ZNF695: variants seen among roughly 807,000 people sequenced by gnomAD.
ZNF695 encodes the protein zinc finger protein 695.
ZNF695 carries 11 observed loss-of-function variants against 11.2 expected under a neutral mutation model. The ratio of observed to expected loss-of-function variants is 0.98; its 90% CI spans 0.62 to 1.62. ZNF695 has a LOEUF of 1.62. Ranked by LOEUF, ZNF695 falls within the 40% of genes most tolerant of loss-of-function variation. The pLI, the probability that ZNF695 is intolerant of heterozygous loss-of-function variation, is 0.00. For missense variants in ZNF695, 559 were observed against 590.5 expected, an observed-to-expected ratio of 0.95 and a Z score of 0.55; for synonymous variants, 190 against 201.4, an observed-to-expected ratio of 0.94 and a Z score of 0.48.
intron 3 of ZNF695, among the ~76,000 whole-genome samples, chr1:246,992,182 T>TA (rs1416020290): frequency 2.6e-5 from 4 of 152,038 alleles, no homozygotes; most frequent in African/African-American, 9.6e-5. Context: ...AAAGAAAATG[T>TA]ACTACTTATA....
At chr1:246,964,828 G>A (rs894465973) in intron 5 of ZNF695, among the ~76,000 whole-genome samples, 3 of 152,042 alleles carry the variant, frequency 2.0e-5, no homozygotes, top group Non-Finnish European at 2.9e-5. Flanking sequence ...CTGAGATCGC[G>A]GCACTGCACT....
chr1:246,974,592 T>C (rs1572516633), intron 4 of ZNF695, among the ~76,000 whole-genome samples: 1 of 152,072 alleles, frequency 6.6e-6, no homozygotes, highest in Non-Finnish European at 1.5e-5. Flanking sequence ...ATAAAAAACA[T>C]AGATATGATA....
rs1052767335 is a variant in ZNF695, at chr1:246,985,719, C to A, written c.*1248G>T. 1 of 985,306 alleles carries A rather than the reference C, an allele frequency of 1.0e-6. No homozygotes were observed. The highest frequency in any genetic ancestry group is 1.2e-6 in the Non-Finnish European group (1 of 829,834). The allele number at this position is 985,306 out of a possible 1,614,324, so 61.0% of individuals were successfully genotyped here. A position where few individuals can be genotyped will look rare whatever the true frequency, so the allele number is the denominator to read the frequency against. On this transcript the variant is annotated 3_prime_UTR_variant, in exon 4 of 4. Transcript: ENST00000339986. ...GGAAAAACAACTGACTTGTAAAACT[C>A]AAATGTTTCTTTCTTAAATATAATG...
At chr1:246,963,704 A>C (rs542567196) in intron 5 of ZNF695, among the ~76,000 whole-genome samples, 27 of 152,312 alleles carry the variant, frequency 1.8e-4, no homozygotes, top group Non-Finnish European at 3.2e-4. Context: ...GTCAGAGAAT[A>C]CTTCCTCTCC....
intron 5 of ZNF695, among the ~76,000 whole-genome samples, chr1:246,959,506 A>C (rs931594011): frequency 6.6e-6 from 1 of 150,796 alleles, no homozygotes; most frequent in Non-Finnish European, 1.5e-5. Context: ...GGCTCACTGC[A>C]ACCTCCACCT....
In ZNF695 at chr1:246,987,812, C is replaced by G. The variant is rs1668899594; in HGVS notation, c.703G>C (p.Val235Leu). Residue 235 changes from valine (V) to leucine (L), a missense_variant, in exon 4 of 4, where the codon GTT becomes CTT. Physicochemically the swap from Val to Leu is conservative, Grantham distance 32. Transcript: ENST00000339986. ...SCFTDCKRIHVGEKHCKCEEC... is the reference protein window; with the variant it reads ...SCFTDCKRIHLGEKHCKCEEC... ...TCACATTTGCAATGTTTCTCTCCAA[C>G]ATGAATTCTCTTACAGTCAGTAAAG... 6.2e-7 allele frequency: 1 copy of G among 1,610,354 alleles called. No individual in the cohort carries two copies. Among genetic ancestry groups the G allele is most frequent in the Non-Finnish European group, 8.5e-7 (1 of 1,178,956 alleles).
chr1:246,959,806 G>T (rs1668119069), intron 5 of ZNF695, among the ~76,000 whole-genome samples: 1 of 152,112 alleles, frequency 6.6e-6, no homozygotes, highest in Non-Finnish European at 1.5e-5. Context: ...CACCAATGAT[G>T]CAGGAAATTA....
chr1:246,986,739 T>G lies in ZNF695; in HGVS notation c.*228A>C. On this transcript the variant is annotated 3_prime_UTR_variant, in exon 4 of 4. Coordinates refer to ENST00000339986, the MANE Select transcript of ZNF695 (RefSeq NM_020394.5). The stretch of plus-strand genomic sequence containing the variant: ...CTGGAGGGTTTCCCTCCAGTATAAA[T>G]TCTTCTGTGTACAGTAAGAGCTGTG... 1 of 1,213,780 alleles carries G rather than the reference T, an allele frequency of 8.2e-7. No homozygotes were observed. Among genetic ancestry groups the G allele is most frequent in the Non-Finnish European group, 1.0e-6 (1 of 974,434 alleles). 75.2% of individuals were successfully genotyped at this position (1,213,780 alleles called of 1,614,324 possible). A position where few individuals can be genotyped will look rare whatever the true frequency, so the allele number is the denominator to read the frequency against.
At chr1:246,958,573 C>G (rs1233869890) in intron 5 of ZNF695, among the ~76,000 whole-genome samples, 1 of 152,126 alleles carries the variant, frequency 6.6e-6, no homozygotes, top group Admixed American at 6.6e-5. Flanking sequence ...CAGCTAGTCC[C>G]CAGCCATGAG....
chr1:246,978,580 G>A (rs1054470089), intron 4 of ZNF695, among the ~76,000 whole-genome samples: 6 of 152,264 alleles, frequency 3.9e-5, no homozygotes, highest in African/African-American at 9.6e-5. Context: ...CTGTGGAGTC[G>A]GTCAGACCTA....
chr1:246,975,431 G>A (rs920761843), intron 4 of ZNF695, among the ~76,000 whole-genome samples: 1 of 152,106 alleles, frequency 6.6e-6, no homozygotes, highest in African/African-American at 2.4e-5. Context: ...CCATTTTTCT[G>A]CCTTCTAGAA....
At chr1:246,993,793 A>C (rs1423683845) in intron 3 of ZNF695, among the ~76,000 whole-genome samples, 1 of 152,214 alleles carries the variant, frequency 6.6e-6, no homozygotes, top group Admixed American at 6.5e-5. Flanking sequence ...AAAAAGATAA[A>C]AAGTATAAAA....
In ZNF695 at chr1:246,974,620, C is replaced by A. The variant is rs137980467; in HGVS notation, c.391-6828G>T. 7.8e-4 allele frequency among the ~76,000 whole-genome samples: 118 copies of A among 152,068 alleles called. 1 individual carries two copies. In the East Asian group the frequency reaches 0.018, roughly 23 times the overall value. On this transcript the variant is annotated intron_variant, in intron 4 of 5. Coordinates refer to the ZNF695 transcript ENST00000487338. ...ATATGATACTATAAAAGAGAGTGGG[C>A]ATAATGGAAGAGTAATACTCAGGTG...
intron 1 of ZNF695, 32 bp downstream of exon 1, chr1:247,007,874 C>T (rs771375479): frequency 6.5e-7 from 1 of 1,540,576 alleles, no homozygotes; most frequent in Admixed American, 1.9e-5. Context: ...ACCCCCTCTC[C>T]CTTCTCGGGA....
At chr1:246,996,081 C>T (rs568437496) in intron 3 of ZNF695, 3 of 448,584 alleles carry the variant, frequency 6.7e-6, no homozygotes, top group South Asian at 3.1e-5. Context: ...AGTGGTGGCC[C>T]GTGCCTGTAA....
intron 4 of ZNF695, among the ~76,000 whole-genome samples, chr1:246,977,994 C>A (rs555346099): frequency 1.4e-3 from 211 of 152,298 alleles, no homozygotes; most frequent in African/African-American, 5.0e-3. Context: ...TTATTAAAAA[C>A]CAGTGTTTTT....
intron 3 of ZNF695, among the ~76,000 whole-genome samples, chr1:246,995,112 C>T (rs1466108454): frequency 6.6e-6 from 1 of 152,168 alleles, no homozygotes; most frequent in East Asian, 1.9e-4. Context: ...CCCTAAACAA[C>T]AGAATCCACG....
In ZNF695 at chr1:246,988,190, C is replaced by T. The variant is rs1184814986; in HGVS notation, c.325G>A (p.Val109Met). The change falls in exon 4 of 4, where the codon GTG (valine) becomes ATG (methionine). Residue 109 changes from valine to methionine, a missense_variant. Transcript: ENST00000339986. Reference sequence around the variant, plus strand: ...CATCTTTCATATCTTCTCAGCATCACTTTTTGGAATGAAACTTGCAGGCCC... The same window carrying T: ...CATCTTTCATATCTTCTCAGCATCATTTTTTGGAATGAAACTTGCAGGCCC... ...EQGLQVSFQK[V>M]MLRRYERCCL... 3.7e-6 allele frequency: 6 copies of T among 1,605,160 alleles called. No individual in the cohort carries two copies. The highest frequency in any genetic ancestry group is 5.1e-6 in the Non-Finnish European group (6 of 1,177,180).
chr1:246,991,580 T>A (rs1669034085), intron 3 of ZNF695, among the ~76,000 whole-genome samples: 1 of 152,130 alleles, frequency 6.6e-6, no homozygotes, highest in African/African-American at 2.4e-5. Flanking sequence ...TGAGATATCA[T>A]CTCACCCCAG....
Sources: gnomAD v4.1 joint callset for allele counts (sites outside exome capture counted in the v4.1 genomes callset) on GRCh38, gnomAD v4.1.1 for gene constraint, MANE v1.5 for transcripts, NCBI Gene and HGNC (gene_info 2026-07-23, HGNC 2026-07-21) for gene names.